The following VRK2 variants were observed in gnomAD, a reference collection of about 807,000 sequenced individuals.
VRK2 encodes serine/threonine-protein kinase VRK2.
Under a neutral mutation model 57.6 loss-of-function variants are expected in VRK2, and 60 were observed. That is an observed-to-expected ratio of 1.04 (90% CI 0.85 to 1.29). VRK2 has a LOEUF of 1.29. Among genes scored for constraint, VRK2 ranks in the 50% most tolerant of loss-of-function variants. The pLI is 0.00. For missense variants in VRK2, 705 were observed against 588.1 expected (o/e 1.20, Z -2.06); for synonymous variants, 231 against 199.2 (o/e 1.16, Z -1.35).
intron 1 of VRK2, among the ~76,000 whole-genome samples, chr2:58,006,199 G>T (rs748802632): frequency 3.9e-5 from 6 of 152,190 alleles, no homozygotes; most frequent in Non-Finnish European, 8.8e-5. Context: ...AGATAATAGT[G>T]AAAGGCAAAT....
chr2:58,099,397 G>C lies in VRK2; in HGVS notation c.543+9674G>C, dbSNP rs185462684. 2.0e-5 allele frequency among the ~76,000 whole-genome samples: 3 copies of C among 152,048 alleles called. No individual in the cohort carries two copies. In the East Asian group the frequency reaches 5.8e-4, roughly 29 times the overall value. On this transcript the variant is annotated intron_variant, in intron 7 of 12. Coordinates refer to ENST00000340157, the MANE Select transcript of VRK2 (RefSeq NM_006296.7). ...GAGTGCTCAGGTCTCACTTGCCTTC[G>C]TGTTGTCTTACATTCTGAACTAGAA...
intron 11 of VRK2, among the ~76,000 whole-genome samples, chr2:58,140,230 TTGTA>T (rs956787789): frequency 5.1e-4 from 77 of 152,170 alleles, no homozygotes; most frequent in African/African-American, 1.9e-3. Context: ...ACCAGGTTAT[TTGTA>T]TGTGCTGATA....
upstream of VRK2, among the ~76,000 whole-genome samples, chr2:58,046,277 G>C (rs1674741678): frequency 6.6e-6 from 1 of 152,236 alleles, no homozygotes; most frequent in Non-Finnish European, 1.5e-5. Flanking sequence ...CCTGAAGTTT[G>C]TTAATTACGG....
intron 12 of VRK2, among the ~76,000 whole-genome samples, chr2:58,151,873 A>G (rs1179450944): frequency 6.7e-6 from 1 of 148,474 alleles, no homozygotes; most frequent in Non-Finnish European, 1.5e-5. Flanking sequence ...AGCCATACTC[A>G]TTCACTTACA....
intron 2 of VRK2, among the ~76,000 whole-genome samples, chr2:58,059,831 G>T (rs539524680): frequency 1.3e-5 from 2 of 151,562 alleles, no homozygotes; most frequent in Non-Finnish European, 3.0e-5. Flanking sequence ...TTTTTTATTT[G>T]GTGTATATAT....
chr2:57,963,880 C>A (rs1671833042), intron 1 of VRK2, among the ~76,000 whole-genome samples: 1 of 152,134 alleles, frequency 6.6e-6, no homozygotes, highest in African/African-American at 2.4e-5. Flanking sequence ...AGAGGATTTG[C>A]AAATACACCT....
chr2:58,047,408 G>C (rs1674991266), intron 1 of VRK2: 2 of 985,280 alleles, frequency 2.0e-6, no homozygotes, highest in South Asian at 9.4e-5. Flanking sequence ...ACCCCTGACA[G>C]GGACGGGCCC....
intron 7 of VRK2, among the ~76,000 whole-genome samples, chr2:58,107,687 A>G (rs1362108786): frequency 6.6e-6 from 1 of 152,214 alleles, no homozygotes; most frequent in East Asian, 1.9e-4. Flanking sequence ...AGAGCTGTGT[A>G]TGCATCTATT....
intron 10 of VRK2, 136 bp downstream of exon 10, chr2:58,135,335 C>T: frequency 2.5e-6 from 2 of 806,476 alleles, no homozygotes; most frequent in Non-Finnish European, 4.0e-6. Flanking sequence ...CTTCATGTTG[C>T]AAATAAGTTG....
chr2:57,916,955 C>A (rs879906092), intron 1 of VRK2, among the ~76,000 whole-genome samples: 1 of 152,112 alleles, frequency 6.6e-6, no homozygotes, highest in Admixed American at 6.5e-5. Flanking sequence ...ATGTAAAGTA[C>A]TATTTTAGAA....
At chr2:58,113,685 C>G (rs188855482) in intron 7 of VRK2, among the ~76,000 whole-genome samples, 40 of 152,064 alleles carry the variant, frequency 2.6e-4, no homozygotes, top group Admixed American at 4.6e-4. Context: ...GAAATTCACA[C>G]GGTTAATCAC....
chr2:58,016,528 T>C (rs1572784115), intron 1 of VRK2, among the ~76,000 whole-genome samples: 1 of 152,006 alleles, frequency 6.6e-6, no homozygotes, highest in African/African-American at 2.4e-5. Context: ...AAGTTTTGTA[T>C]TTTTTTAATT....
At chr2:57,970,148 T>A (rs1218755273) in intron 1 of VRK2, among the ~76,000 whole-genome samples, 1 of 148,802 alleles carries the variant, frequency 6.7e-6, no homozygotes, top group South Asian at 2.1e-4. Context: ...ATATTTATGA[T>A]GTAAACATAT....
chr2:58,037,597 C>T (rs1674317626), intron 3 of VRK2, among the ~76,000 whole-genome samples: 1 of 151,940 alleles, frequency 6.6e-6, no homozygotes, highest in African/African-American at 2.4e-5. Flanking sequence ...AAGATGTGGG[C>T]CAATACCTTC....
upstream of VRK2, among the ~76,000 whole-genome samples, chr2:58,041,799 ACCCTTGGT>A: frequency 6.6e-6 from 1 of 152,026 alleles, no homozygotes; most frequent in Non-Finnish European, 1.5e-5. Flanking sequence ...GTAAACTAAT[ACCCTTGGT>A]CTCCACAACC....
chr2:57,917,110 G>T (rs1417896011), intron 1 of VRK2, among the ~76,000 whole-genome samples: 1 of 152,142 alleles, frequency 6.6e-6, no homozygotes, highest in African/African-American at 2.4e-5. Flanking sequence ...AATTTGGTCA[G>T]GAAGTCATTT....
intron 1 of VRK2, among the ~76,000 whole-genome samples, chr2:57,948,263 A>G (rs569680367): frequency 6.6e-6 from 1 of 152,234 alleles, no homozygotes; most frequent in South Asian, 2.1e-4. Context: ...TTCACTATAT[A>G]GTACTTCTAA....
intron 2 of VRK2, chr2:58,026,744 G>A (rs1033805129): frequency 6.6e-6 from 1 of 151,830 alleles, no homozygotes; most frequent in African/African-American, 2.4e-5. Context: ...TTTGAGACAG[G>A]GTCTCATTCT....
intron 1 of VRK2, among the ~76,000 whole-genome samples, chr2:58,006,630 T>G (rs777794762): frequency 3.3e-5 from 5 of 152,086 alleles, no homozygotes; most frequent in Non-Finnish European, 4.4e-5. Flanking sequence ...TGGGAGTAAT[T>G]GGATCCTGGA....
Sources: gnomAD v4.1 joint callset for allele counts (sites outside exome capture counted in the v4.1 genomes callset) on GRCh38, gnomAD v4.1.1 for gene constraint, MANE v1.5 for transcripts, NCBI Gene and HGNC (gene_info 2026-07-23, HGNC 2026-07-21) for gene names.